The following TMEM272 variants were observed in gnomAD, a reference collection of about 807,000 sequenced individuals.
TMEM272 encodes long intergenic non-protein coding RNA 282.
In TMEM272, 8 loss-of-function variants were observed where a neutral mutation model predicts 3.7. The ratio of observed to expected loss-of-function variants is 2.17; its 90% CI spans 1.27 to 3.91. TMEM272 has a LOEUF of 3.91. TMEM272 is among the 30% of genes most tolerant of loss of function. The pLI is 0.00. For missense variants in TMEM272, 166 were observed against 91.5 expected, an observed-to-expected ratio of 1.81 and a Z score of -3.32; for synonymous variants, 63 against 39.8, an observed-to-expected ratio of 1.58 and a Z score of -2.20.
chr13:51,918,803 CTTTTTT>C, the TMEM272 span, among the ~76,000 whole-genome samples: 2 of 81,042 alleles, frequency 2.5e-5, no homozygotes, highest in East Asian at 8.1e-4. Context: ...TTTTGAAATT[CTTTTTT>C]TTTTTTTTTT....
At chr13:51,819,364 C>G (rs540800454) in intron 4 of TMEM272, among the ~76,000 whole-genome samples, 7 of 152,312 alleles carry the variant, frequency 4.6e-5, no homozygotes, top group Middle Eastern at 3.4e-3. Flanking sequence ...GAGTCCAGCT[C>G]AAGTTTCCAT....
At chr13:51,847,083 T>A (rs1956310857), upstream of TMEM272, among the ~76,000 whole-genome samples, 1 of 152,196 alleles carries the variant, frequency 6.6e-6, no homozygotes, top group Admixed American at 6.5e-5. Flanking sequence ...CTGTACACAA[T>A]GTTTAGATAC....
chr13:51,827,725 C>A (rs1956139303), intron 2 of TMEM272, among the ~76,000 whole-genome samples: 1 of 152,120 alleles, frequency 6.6e-6, no homozygotes, highest in African/African-American at 2.4e-5. Context: ...TTTTCGGGTA[C>A]CCCCACCTCC....
chr13:51,817,201 T>C (rs1470854823), intron 4 of TMEM272, 88 bp from the exon 5 acceptor site: 21 of 623,718 alleles, frequency 3.4e-5, no homozygotes, highest in Middle Eastern at 2.5e-4. Flanking sequence ...TGGTGGGGTG[T>C]TGGCAGGGAG....
At chr13:51,821,613 A>C (rs1185666186) in intron 4 of TMEM272, among the ~76,000 whole-genome samples, 34 of 151,936 alleles carry the variant, frequency 2.2e-4, no homozygotes, top group Admixed American at 2.2e-3. Flanking sequence ...CTGCTAAATC[A>C]AACATATTTT....
chr13:51,850,005 A>T (rs1293912869), upstream of TMEM272, among the ~76,000 whole-genome samples: 1 of 152,204 alleles, frequency 6.6e-6, no homozygotes, highest in Non-Finnish European at 1.5e-5. Context: ...GCTTGACACC[A>T]GGAGTTCGAG....
At chr13:51,857,446 A>T in the TMEM272 span, among the ~76,000 whole-genome samples, 57 of 152,278 alleles carry the variant, frequency 3.7e-4, no homozygotes, top group African/African-American at 1.3e-3. Context: ...CAAAATCTTG[A>T]GGAGTCTTGA....
chr13:51,859,505 AACACACACAC>A, the TMEM272 span, among the ~76,000 whole-genome samples: 90 of 129,940 alleles, frequency 6.9e-4, no homozygotes, highest in East Asian at 1.4e-3. Flanking sequence ...CTCCCAACCA[AACACACACAC>A]ACACACACAC....
the TMEM272 span, among the ~76,000 whole-genome samples, chr13:51,930,047 G>A: frequency 8.6e-3 from 1,308 of 152,212 alleles, 18 homozygotes; most frequent in African/African-American, 0.03. Flanking sequence ...GTCCCGATGT[G>A]GTTCATCCAC....
the TMEM272 span, among the ~76,000 whole-genome samples, chr13:51,872,157 T>C: frequency 2.0e-5 from 3 of 152,216 alleles, no homozygotes; most frequent in South Asian, 2.1e-4. Flanking sequence ...ACAGAGAATA[T>C]ACAGGGAGAA....
chr13:51,843,590 C>T (rs965751981), intron 1 of TMEM272, among the ~76,000 whole-genome samples: 7 of 152,122 alleles, frequency 4.6e-5, no homozygotes, highest in East Asian at 3.8e-4. Flanking sequence ...ACTAAGAAAA[C>T]GTACATTTTT....
intron 2 of TMEM272, among the ~76,000 whole-genome samples, chr13:51,833,662 C>G (rs1239593890): frequency 1.3e-5 from 2 of 152,146 alleles, no homozygotes; most frequent in East Asian, 3.8e-4. Flanking sequence ...GTATTCGGTT[C>G]AGAATTCACT....
chr13:51,920,032 G>A, the TMEM272 span, among the ~76,000 whole-genome samples: 1 of 152,182 alleles, frequency 6.6e-6, no homozygotes, highest in African/African-American at 2.4e-5. Flanking sequence ...GCAATACGTG[G>A]AATTATTTTG....
the TMEM272 span, among the ~76,000 whole-genome samples, chr13:51,924,187 G>C: frequency 2.0e-5 from 3 of 152,154 alleles, no homozygotes. Flanking sequence ...TGGCCTTCTA[G>C]AGGTTGGCGC....
At chr13:51,907,767 C>T in the TMEM272 span, among the ~76,000 whole-genome samples, 1 of 152,226 alleles carries the variant, frequency 6.6e-6, no homozygotes, top group Non-Finnish European at 1.5e-5. Context: ...GTAATCGACA[C>T]TTGATCTGTT....
At chr13:51,908,727 G>C in the TMEM272 span, 10 of 1,469,942 alleles carry the variant, frequency 6.8e-6, no homozygotes, top group Middle Eastern at 1.7e-4. Flanking sequence ...TGCTAGTCCA[G>C]AGCGTCTAGC....
the TMEM272 span, among the ~76,000 whole-genome samples, chr13:51,887,952 A>G: frequency 6.6e-6 from 1 of 152,190 alleles, no homozygotes; most frequent in East Asian, 1.9e-4. Context: ...ATTTCATTTC[A>G]TTAGCATCTT....
At chr13:51,854,790 A>T in the TMEM272 span, among the ~76,000 whole-genome samples, 4 of 152,238 alleles carry the variant, frequency 2.6e-5, no homozygotes, top group Admixed American at 6.5e-5. Flanking sequence ...TAGGAAATCA[A>T]CAAATGTTAG....
chr13:51,903,656 C>T, the TMEM272 span, among the ~76,000 whole-genome samples: 6 of 152,154 alleles, frequency 3.9e-5, no homozygotes, highest in African/African-American at 1.4e-4. Context: ...ACCCAGAAGT[C>T]CCGGTTTCTA....
Sources: allele counts gnomAD v4.1 joint callset (sites outside exome capture counted in the v4.1 genomes callset), GRCh38; gene constraint gnomAD v4.1.1; transcripts MANE v1.5; gene names NCBI Gene and HGNC (gene_info 2026-07-23, HGNC 2026-07-21).